Variants in RIC1 observed in about 807,000 individuals in gnomAD.
RIC1 encodes the protein guanine nucleotide exchange factor subunit RIC1.
RIC1 carries 88 observed loss-of-function variants against 169.0 expected under a neutral mutation model. The observed-to-expected ratio is 0.52, with a 90% CI of 0.44 to 0.62. RIC1 has a LOEUF of 0.62. Among genes scored for constraint, RIC1 ranks in the 20% least tolerant of loss-of-function variants. RIC1 has a pLI of 0.00. For missense variants in RIC1, 1,877 were observed against 1,725.5 expected (o/e 1.09, Z -1.56); for synonymous variants, 790 against 601.5 (o/e 1.31, Z -4.59).
At chr9:5,768,516 A>G (rs568573687) in intron 21 of RIC1, among the ~76,000 whole-genome samples, 3 of 152,164 alleles carry the variant, frequency 2.0e-5, no homozygotes, top group Non-Finnish European at 4.4e-5. Context: ...TGACATTGTG[A>G]AACCTTGTCA....
rs766991587 is a variant in RIC1 at position 5,702,744 on chromosome 9, A to G, written c.333-11152A>G. ...TGTATTTTAGTGGAGACAGGCTTTC[A>G]CCCTGTTGCCCAGGCTGGTCTCGAA... On this transcript the variant is annotated intron_variant, in intron 3 of 25. Coordinates refer to ENST00000414202, the MANE Select transcript of RIC1 (RefSeq NM_020829.4). Among the ~76,000 whole-genome samples the G allele has an allele frequency of 8.6e-5, 13 of 151,898 alleles. 1 individual carries two copies. The highest frequency in any genetic ancestry group is 1.9e-4 in the Non-Finnish European group (13 of 67,954).
At chr9:5,749,889 C>T (rs1330161850) in intron 12 of RIC1, among the ~76,000 whole-genome samples, 1 of 146,524 alleles carries the variant, frequency 6.8e-6, no homozygotes, top group Non-Finnish European at 1.5e-5. Context: ...AGCGATTCTG[C>T]TGTCTCAGCC....
Position 5,654,522 on chromosome 9 carries a change from A to G in RIC1, c.145-2061A>G, listed in dbSNP as rs554760256. Among the ~76,000 whole-genome samples the G allele has an allele frequency of 3.9e-5, 6 of 152,190 alleles. No individual in the cohort carries two copies. In the South Asian group the frequency reaches 1.0e-3, roughly 26 times the overall value. ...CTTGGCCTCCCAAAGTGTTGGGATTACAGGCGTGAGCCACTGTGCCCAGCT... is the reference window on the plus strand; with the variant it reads ...CTTGGCCTCCCAAAGTGTTGGGATTGCAGGCGTGAGCCACTGTGCCCAGCT... On this transcript the variant is annotated intron_variant, in intron 1 of 25. Transcript: ENST00000414202.
rs368434389 is a variant in RIC1 at position 5,772,552 on chromosome 9, A to G, written c.3617-12A>G. The G allele has an allele frequency of 1.5e-4, 232 of 1,557,206 alleles. 1 individual carries two copies. The South Asian group carries it at 1.5e-3, about 10-fold the overall frequency. ...ACGAAGTTGGTTGTAACTTTTGGCA[A>G]TTCTTCATCAGGTGATGAATGCAGT... On this transcript the variant is annotated splice_polypyrimidine_tract_variant and intron_variant, in intron 23 of 25. Coordinates refer to ENST00000414202, the MANE Select transcript of RIC1 (RefSeq NM_020829.4).
intron 3 of RIC1, among the ~76,000 whole-genome samples, chr9:5,697,034 C>T (rs907929190): frequency 7.9e-5 from 12 of 152,172 alleles, no homozygotes; most frequent in Non-Finnish European, 1.6e-4. Flanking sequence ...CCTATATGAA[C>T]TGGGTAGCCA....
chr9:5,771,360 A>T (rs921395101), intron 23 of RIC1, among the ~76,000 whole-genome samples: 1 of 152,094 alleles, frequency 6.6e-6, no homozygotes, highest in Non-Finnish European at 1.5e-5. Flanking sequence ...TAATGTCCTC[A>T]TGTTCATCCT....
Position 5,775,654 on chromosome 9 carries a change from A to G in RIC1, c.*1408A>G, listed in dbSNP as rs1827543078. On this transcript the variant is annotated 3_prime_UTR_variant, in exon 26 of 26. Transcript: ENST00000414202. ...CTTGCTTTTTAAAGTAAATGGCTAG[A>G]TTTAGTTGTCTTAGCCAGGTTTCCT... is the stretch of plus-strand genomic sequence containing the variant. 6.6e-6 allele frequency: 1 copy of G among 152,182 alleles called. No individual in the cohort carries two copies. Among genetic ancestry groups the G allele is most frequent in the African/African-American group, 2.4e-5 (1 of 41,452 alleles). The allele number at this position is 152,182 out of a possible 1,614,324, so 9.4% of individuals were successfully genotyped here. A position where few individuals can be genotyped will look rare whatever the true frequency, so the allele number is the denominator to read the frequency against.
intron 8 of RIC1, among the ~76,000 whole-genome samples, chr9:5,741,738 C>G (rs1470938227): frequency 6.6e-6 from 1 of 152,062 alleles, no homozygotes; most frequent in Non-Finnish European, 1.5e-5. Context: ...TATTCTGTGT[C>G]TGTTAATCCC....
chr9:5,706,058 T>G (rs754120517), intron 3 of RIC1, among the ~76,000 whole-genome samples: 1 of 152,144 alleles, frequency 6.6e-6, no homozygotes, highest in Non-Finnish European at 1.5e-5. Flanking sequence ...AATATTTTGT[T>G]CAGGATTTTT....
In RIC1 at chr9:5,720,264, G is replaced by C; in HGVS notation, c.523G>C (p.Gly175Arg). Residue 175 changes from glycine to arginine, a missense_variant, in exon 5 of 26, where the codon GGA becomes CGA. Around this residue, in one of 3 missense-constraint regions of RIC1, gnomAD observed 1,104 missense variants for 992.0 expected, o/e 1.11. Transcript: ENST00000414202. ...TATTCACTGGGAAGGAATGACAAATGGAAGGAAAGCCATTAATCTTTGCAC... is the reference window on the plus strand; with the variant it reads ...TATTCACTGGGAAGGAATGACAAATCGAAGGAAAGCCATTAATCTTTGCAC... ...HLIHWEGMTN[G>R]RKAINLCTVP... 1 of 1,613,632 alleles carries C rather than the reference G, an allele frequency of 6.2e-7. No homozygotes were observed. Among genetic ancestry groups the C allele is most frequent in the South Asian group, 1.1e-5 (1 of 91,038 alleles).
At chr9:5,654,219 C>T (rs1169569033) in intron 1 of RIC1, among the ~76,000 whole-genome samples, 5 of 151,356 alleles carry the variant, frequency 3.3e-5, no homozygotes, top group Non-Finnish European at 7.4e-5. Context: ...GCCCAGGCTG[C>T]AAGTGTGTAT....
intron 3 of RIC1, among the ~76,000 whole-genome samples, chr9:5,700,833 A>C (rs919320514): frequency 6.6e-6 from 1 of 152,212 alleles, no homozygotes; most frequent in Non-Finnish European, 1.5e-5. Context: ...ATCTTAATAA[A>C]AGTTAGAAAA....
At position 5,774,194 on chromosome 9, in the gene RIC1, C is replaced by T. The variant is rs1554616293; in HGVS notation, c.4220C>T (p.Ala1407Val). 2 of 1,613,860 alleles carry T rather than the reference C, an allele frequency of 1.2e-6. No individual in the cohort carries two copies. Among genetic ancestry groups the T allele is most frequent in the East Asian group, 2.2e-5 (1 of 44,860 alleles). ...CGGAAAGAGGAGGACACAGCCCAAG[C>T]AGAGGAGGAAGAACCTTTTCAGGAT... Reference protein sequence around the residue: ...VSRKEEDTAQAEEEEPFQDGT... With the variant: ...VSRKEEDTAQVEEEEPFQDGT... Residue 1407 changes from alanine to valine, a missense_variant, in exon 26 of 26, where the codon GCA becomes GTA. Physicochemically the swap from Ala to Val is moderately conservative, Grantham distance 64. Coordinates refer to ENST00000414202, the MANE Select transcript of RIC1 (RefSeq NM_020829.4).
chr9:5,681,176 A>C (rs1417365365), intron 2 of RIC1, among the ~76,000 whole-genome samples: 1 of 151,514 alleles, frequency 6.6e-6, no homozygotes, highest in Non-Finnish European at 1.5e-5. Context: ...TTCTGCTCTG[A>C]TCTTAGTTAT....
At chr9:5,654,897 T>C (rs1470414521) in intron 1 of RIC1, among the ~76,000 whole-genome samples, 2 of 152,200 alleles carry the variant, frequency 1.3e-5, no homozygotes, top group Non-Finnish European at 2.9e-5. Context: ...TTATTGCTGG[T>C]ATATAGAAAA....
intron 3 of RIC1, among the ~76,000 whole-genome samples, chr9:5,694,382 A>G (rs1246859037): frequency 6.6e-6 from 1 of 152,190 alleles, no homozygotes; most frequent in Non-Finnish European, 1.5e-5. Context: ...ATTTCTAATA[A>G]TAAACCTTGT....
At chr9:5,689,044 CTTTTTTTTT>C (rs34717277) in intron 2 of RIC1, among the ~76,000 whole-genome samples, 2 of 99,056 alleles carry the variant, frequency 2.0e-5, no homozygotes, top group Non-Finnish European at 3.7e-5. Flanking sequence ...AATACAATTT[CTTTTTTTTT>C]TTTTTTTTTT....
At chr9:5,686,084 C>T (rs945524262) in intron 2 of RIC1, among the ~76,000 whole-genome samples, 1 of 151,668 alleles carries the variant, frequency 6.6e-6, no homozygotes, top group African/African-American at 2.4e-5. Flanking sequence ...GAGATATCAT[C>T]TCACACCAGT....
At chr9:5,731,854 G>A (rs920213062) in intron 6 of RIC1, among the ~76,000 whole-genome samples, 3 of 152,112 alleles carry the variant, frequency 2.0e-5, no homozygotes, top group African/African-American at 7.2e-5. Context: ...AGGAGTGAAA[G>A]CAGTCCTGAG....
Sources: gnomAD v4.1 joint callset for allele counts (sites outside exome capture counted in the v4.1 genomes callset) on GRCh38, gnomAD v4.1.1 for gene constraint, gnomAD v4.1.1 regional missense constraint, MANE v1.5 for transcripts, NCBI Gene and HGNC (gene_info 2026-07-23, HGNC 2026-07-21) for gene names.